Variants in SST observed in about 807,000 individuals in gnomAD.
The protein encoded by SST is growth hormone release-inhibiting factor.
A neutral mutation model predicts 10.4 loss-of-function variants in SST; 7 were observed. The observed-to-expected ratio is 0.67, with a 90% CI of 0.38 to 1.26. SST has a LOEUF of 1.26. Ranked by LOEUF, SST falls within the 50% of genes most tolerant of loss-of-function variation. The probability of loss-of-function intolerance (pLI) is 0.02; values close to 1 mark genes in which losing one functional copy is unlikely to be tolerated. For missense variants in SST, 145 were observed against 140.8 expected (o/e 1.03, Z -0.15); for synonymous variants, 63 against 63.9 (o/e 0.99, Z 0.07).
intron 1 of SST, 133 bp from the exon 2 acceptor site, chr3:187,669,410 T>C: frequency 1.3e-6 from 1 of 781,296 alleles, no homozygotes; most frequent in Non-Finnish European, 2.1e-6. Context: ...GCGCATTTTT[T>C]GTCACATTTA....
intron 1 of SST, 124 bp from the exon 2 acceptor site, chr3:187,669,401 C>A (rs538344337): frequency 1.2e-6 from 1 of 852,622 alleles, no homozygotes; most frequent in Admixed American, 2.5e-5. Flanking sequence ...TTTACAGCTG[C>A]GCATTTTTTG....
In SST at chr3:187,670,100, G is replaced by A. The variant is rs1258380573; in HGVS notation, c.138+54C>T. 3.9e-6 allele frequency: 6 copies of A among 1,545,996 alleles called. No homozygotes were observed. In the African/African-American group the frequency reaches 5.5e-5, roughly 14 times the overall value. Reference sequence around the variant, plus strand: ...TTACGTCCAAACCAATGGGGCAGGAGCAAGGCTTAGGGAGGGCTGGAGAAT... The same window carrying A: ...TTACGTCCAAACCAATGGGGCAGGAACAAGGCTTAGGGAGGGCTGGAGAAT... On this transcript the variant is annotated intron_variant, in intron 1 of 1. Transcript: ENST00000287641.
Position 187,669,182 on chromosome 3 carries a change from C to A in SST, c.234G>T (p.Glu78Asp), listed in dbSNP as rs761433558. The A allele has an allele frequency of 1.9e-6, 3 of 1,613,902 alleles. No homozygotes were observed. Among genetic ancestry groups the A allele is most frequent in the Non-Finnish European group, 2.5e-6 (3 of 1,180,034 alleles). Residue 78 changes from glutamate (E) to aspartate (D), a missense_variant, in exon 2 of 2, where the codon GAG becomes GAT. By Grantham distance (45) the Glu-to-Asp change is conservative. Coordinates refer to ENST00000287641, the MANE Select transcript of SST (RefSeq NM_001048.4). ...GCAGCTCAAGCCTCATTTCATCCTGCTCAGCAGCCTGGGACAGATCTTCAG... is the reference window on the plus strand; with the variant it reads ...GCAGCTCAAGCCTCATTTCATCCTGATCAGCAGCCTGGGACAGATCTTCAG... The part of the protein sequence containing the change: ...LEPEDLSQAA[E>D]QDEMRLELQR...
At chr3:187,669,343 G>A in intron 1 of SST, 66 bp from the exon 2 acceptor site, 1 of 1,490,064 alleles carries the variant, frequency 6.7e-7, no homozygotes, top group Non-Finnish European at 9.2e-7. Context: ...GAAAAAATTT[G>A]AAAAGCCTAA....
Position 187,669,017 on chromosome 3 carries a change from G to T in SST, c.*48C>A. 6.4e-7 allele frequency: 1 copy of T among 1,569,098 alleles called. No individual in the cohort carries two copies. Among genetic ancestry groups the T allele is most frequent in the Non-Finnish European group, 8.8e-7 (1 of 1,139,456 alleles). On this transcript the variant is annotated 3_prime_UTR_variant, in exon 2 of 2. Coordinates refer to ENST00000287641, the MANE Select transcript of SST (RefSeq NM_001048.4). ...GGATTAGGGAAGAGAGATGGGGTGT[G>T]GGGGCGAGGGATCAGAGGTCTGATA...
intron 1 of SST, 108 bp downstream of exon 1, chr3:187,670,046 C>A: frequency 7.8e-7 from 1 of 1,283,016 alleles, no homozygotes; most frequent in South Asian, 1.7e-5. Flanking sequence ...AGAAAAGCAC[C>A]AAAACTCTTT....
chr3:187,669,034 G>A lies in SST; in HGVS notation c.*31C>T. ...TGGGGTGTGGGGGCGAGGGATCAGA[G>A]GTCTGATATGGACAATACTAGTTAA... On this transcript the variant is annotated 3_prime_UTR_variant, in exon 2 of 2. Coordinates refer to ENST00000287641, the MANE Select transcript of SST (RefSeq NM_001048.4). The A allele has an allele frequency of 6.2e-7, 1 of 1,602,846 alleles. No individual in the cohort carries two copies. Among genetic ancestry groups the A allele is most frequent in the Non-Finnish European group, 8.5e-7 (1 of 1,169,778 alleles).
chr3:187,669,363 C>G, intron 1 of SST, 86 bp from the exon 2 acceptor site: 1 of 1,315,390 alleles, frequency 7.6e-7, no homozygotes, highest in Non-Finnish European at 1.1e-6. Flanking sequence ...AATTAAAGAA[C>G]AGATTTGGTC....
Position 187,670,181 on chromosome 3 carries a change from C to G in SST, c.111G>C (p.Lys37Asn). 6.3e-7 allele frequency: 1 copy of G among 1,593,298 alleles called. No individual in the cohort carries two copies. Among genetic ancestry groups the G allele is most frequent in the Non-Finnish European group, 8.5e-7 (1 of 1,170,104 alleles). ...GCTTCCCCGCGGCAGCAGCCAGGGA[C>G]TTCTGCAGAAACTGACGGAGTCTGG... The part of the protein sequence containing the change: ...SDPRLRQFLQ[K>N]SLAAAAGKQE... The change falls in exon 1 of 2, where the codon AAG becomes AAC. Residue 37 changes from lysine to asparagine, a missense_variant. Transcript: ENST00000287641.
Position 187,670,246 on chromosome 3 carries a change from C to T in SST, c.46G>A (p.Val16Ile). Residue 16 changes from valine (V) to isoleucine (I), a missense_variant, in exon 1 of 2, where the codon GTC becomes ATC. Coordinates refer to ENST00000287641, the MANE Select transcript of SST (RefSeq NM_001048.4). ...LQCALAALSIVLALGCVTGAP... is the reference protein window; with the variant it reads ...LQCALAALSIILALGCVTGAP... Reference sequence around the variant, plus strand: ...CCGGTGACACAGCCCAGGGCCAGGACGATGGACAGCGCAGCCAGCGCGCAC... The same window carrying T: ...CCGGTGACACAGCCCAGGGCCAGGATGATGGACAGCGCAGCCAGCGCGCAC... The T allele has an allele frequency of 2.5e-6, 4 of 1,594,590 alleles. No homozygotes were observed. The highest frequency in any genetic ancestry group is 1.7e-4 in the Middle Eastern group (1 of 6,006).
At position 187,670,374 on chromosome 3, in the gene SST, C is replaced by A; in HGVS notation, c.-83G>T. 6.8e-7 allele frequency: 1 copy of A among 1,464,264 alleles called. No homozygotes were observed. Among genetic ancestry groups the A allele is most frequent in the South Asian group, 1.3e-5 (1 of 77,436 alleles). The allele number at this position is 1,464,264 out of a possible 1,614,324, so 90.7% of individuals were successfully genotyped here. On this transcript the variant is annotated 5_prime_UTR_variant, in exon 1 of 2. In the 5' UTR this introduces an upstream ATG that the reference lacks. Transcript: ENST00000287641. ...GCAGGCAGCAGCGATGGCTCCGAAC[C>A]TCGCTCCTAAAGCGGCTTGTGTGCT...
Position 187,669,213 on chromosome 3 carries a change from A to T in SST, c.203T>A (p.Leu68Gln). The T allele has an allele frequency of 6.2e-7, 1 of 1,614,086 alleles. No homozygotes were observed. The highest frequency in any genetic ancestry group is 1.3e-5 in the African/African-American group (1 of 75,026). The change falls in exon 2 of 2, where the codon CTG becomes CAG. Residue 68 changes from leucine to glutamine, a missense_variant. By Grantham distance (113) the Leu-to-Gln change is moderately radical (BLOSUM62 -2). Transcript: ENST00000287641. The part of the protein sequence containing the change: ...SEPNQTENDA[L>Q]EPEDLSQAAE... Reference sequence around the variant, plus strand: ...AGCCTGGGACAGATCTTCAGGTTCCAGGGCATCATTCTCCGTCTGGTTGGG... The same window carrying T: ...AGCCTGGGACAGATCTTCAGGTTCCTGGGCATCATTCTCCGTCTGGTTGGG...
rs1449720499 is a variant in SST, at chr3:187,669,250, G to A, written c.166C>T (p.Leu56=). 2 of 1,613,914 alleles carry A rather than the reference G, an allele frequency of 1.2e-6. No homozygotes were observed. The highest frequency in any genetic ancestry group is 1.7e-6 in the Non-Finnish European group (2 of 1,180,010). Residue 56 remains leucine, a synonymous_variant, in exon 2 of 2, where the codon CTG becomes TTG. Transcript: ENST00000287641. Reference sequence around the variant, plus strand: ...TCCGTCTGGTTGGGTTCAGACAGCAGCTCTGCCAAGAAGTACTTGGCCAGT... The same window carrying A: ...TCCGTCTGGTTGGGTTCAGACAGCAACTCTGCCAAGAAGTACTTGGCCAGT... ...QELAKYFLAE[L]LSEPNQTEND... is the part of the protein sequence containing the mutation.
intron 1 of SST, among the ~76,000 whole-genome samples, chr3:187,669,583 CACAT>C (rs1394533448): frequency 1.4e-5 from 2 of 146,530 alleles, no homozygotes; most frequent in Admixed American, 6.7e-5. Context: ...CACACACACA[CACAT>C]AAAGACCGTT....
Position 187,670,237 on chromosome 3 carries a change from G to T in SST, c.55C>A (p.Leu19Met). Residue 19 changes from leucine (L) to methionine (M), a missense_variant, in exon 1 of 2, where the codon CTG becomes ATG. By Grantham distance (15) the Leu-to-Met change is conservative. Transcript: ENST00000287641. The stretch of plus-strand genomic sequence containing the variant: ...GAGGGAGCGCCGGTGACACAGCCCA[G>T]GGCCAGGACGATGGACAGCGCAGCC... ...ALAALSIVLA[L>M]GCVTGAPSDP... The T allele has an allele frequency of 6.3e-7, 1 of 1,595,688 alleles. No individual in the cohort carries two copies. The highest frequency in any genetic ancestry group is 1.3e-5 in the African/African-American group (1 of 74,738).
intron 1 of SST, 138 bp from the exon 2 acceptor site, chr3:187,669,415 C>T (rs1465844058): frequency 2.7e-6 from 2 of 740,142 alleles, no homozygotes; most frequent in Non-Finnish European, 4.4e-6. Context: ...TTTTTTGTCA[C>T]ATTTAAAATC....
rs769850019 is a variant in SST, at chr3:187,669,099, T to C, written c.317A>G (p.Lys106Arg). 37 of 1,613,892 alleles carry C rather than the reference T, an allele frequency of 2.3e-5. No individual in the cohort carries two copies. The South Asian group carries it at 3.8e-4, about 17-fold the overall frequency. The change falls in exon 2 of 2, where the codon AAG becomes AGG. Residue 106 changes from lysine to arginine, a missense_variant. Coordinates refer to ENST00000287641, the MANE Select transcript of SST (RefSeq NM_001048.4). ...MAPRERKAGC[K>R]NFFWKTFTSC ...TGTGAAAGTCTTCCAGAAGAAATTC[T>C]TGCAGCCAGCTTTGCGTTCTCGGGG... is the stretch of plus-strand genomic sequence containing the variant.
chr3:187,669,404 ATT>A, intron 1 of SST, 127 bp from the exon 2 acceptor site: 1 of 804,856 alleles, frequency 1.2e-6, no homozygotes, highest in Non-Finnish European at 2.0e-6. Context: ...ACAGCTGCGC[ATT>A]TTTTGTCACA....
At position 187,669,014 on chromosome 3, in the gene SST, T is replaced by C; in HGVS notation, c.*51A>G. ...GGAGGATTAGGGAAGAGAGATGGGG[T>C]GTGGGGGCGAGGGATCAGAGGTCTG... On this transcript the variant is annotated 3_prime_UTR_variant, in exon 2 of 2. Transcript: ENST00000287641. 6.5e-7 allele frequency: 1 copy of C among 1,544,974 alleles called. No individual in the cohort carries two copies. The highest frequency in any genetic ancestry group is 2.3e-5 in the East Asian group (1 of 44,432).
Sources: gnomAD v4.1 joint callset for allele counts (sites outside exome capture counted in the v4.1 genomes callset) on GRCh38, gnomAD v4.1.1 for gene constraint, MANE v1.5 for transcripts, NCBI Gene and HGNC (gene_info 2026-07-23, HGNC 2026-07-21) for gene names.